Variants in OSBPL10 observed in about 807,000 individuals in gnomAD.
OSBPL10 encodes oxysterol binding protein like 10.
A neutral mutation model predicts 81.7 loss-of-function variants in OSBPL10; 49 were observed. The ratio of observed to expected loss-of-function variants is 0.60; its 90% CI spans 0.48 to 0.76. The LOEUF is 0.76. OSBPL10 is among the 30% of genes least tolerant of loss of function. The probability of loss-of-function intolerance (pLI) is 0.00; values close to 1 mark genes in which losing one functional copy is unlikely to be tolerated. For missense variants in OSBPL10, 923 were observed against 987.8 expected (o/e 0.93, Z 0.88); for synonymous variants, 419 against 383.6 (o/e 1.09, Z -1.08).
chr3:32,077,311 T>C (rs568259380), intron 1 of OSBPL10: 1 of 152,300 alleles, frequency 6.6e-6, no homozygotes, highest in East Asian at 1.9e-4. Context: ...CCTGTGCTAA[T>C]GTTACAGGTA....
At chr3:31,712,761 A>C (rs990907676) in intron 6 of OSBPL10, among the ~76,000 whole-genome samples, 1 of 152,266 alleles carries the variant, frequency 6.6e-6, no homozygotes, top group Non-Finnish European at 1.5e-5. Flanking sequence ...TTGTTACAGC[A>C]GTGAAAACAC....
chr3:31,681,408 G>A (rs1353524553), intron 8 of OSBPL10, among the ~76,000 whole-genome samples: 1 of 152,166 alleles, frequency 6.6e-6, no homozygotes, highest in African/African-American at 2.4e-5. Flanking sequence ...ACCATTGCAT[G>A]CAAACCCTAA....
intron 3 of OSBPL10, among the ~76,000 whole-genome samples, chr3:31,845,460 A>G (rs1216252981): frequency 6.6e-6 from 1 of 152,234 alleles, no homozygotes; most frequent in South Asian, 2.1e-4. Flanking sequence ...TTGTAGAGAG[A>G]TGAGACCAGG....
At chr3:32,025,947 G>A (rs1460477945) in intron 2 of OSBPL10, among the ~76,000 whole-genome samples, 2 of 151,752 alleles carry the variant, frequency 1.3e-5, no homozygotes, top group Non-Finnish European at 2.9e-5. Context: ...ACCTGCTCTG[G>A]TCTTTGCTAT....
intron 7 of OSBPL10, among the ~76,000 whole-genome samples, chr3:31,699,677 A>G (rs1695835127): frequency 6.6e-6 from 1 of 152,198 alleles, no homozygotes; most frequent in Non-Finnish European, 1.5e-5. Flanking sequence ...GTGCTGAGCA[A>G]CCTCACAGGT....
intron 1 of OSBPL10, among the ~76,000 whole-genome samples, chr3:31,925,565 T>G (rs571457694): frequency 6.6e-6 from 1 of 151,904 alleles, no homozygotes; most frequent in African/African-American, 2.4e-5. Flanking sequence ...GTAATCCCAG[T>G]ACTTTGGGAG....
intron 4 of OSBPL10, among the ~76,000 whole-genome samples, chr3:31,771,212 T>G (rs1414473508): frequency 6.6e-6 from 1 of 152,156 alleles, no homozygotes; most frequent in African/African-American, 2.4e-5. Flanking sequence ...ACACTCAGAG[T>G]GCTTAAAACA....
intron 4 of OSBPL10, 121 bp from the exon 5 acceptor site, chr3:31,748,241 T>A: frequency 1.2e-6 from 1 of 828,224 alleles, no homozygotes. Context: ...GCGTGTTCGG[T>A]GCACATTCGT....
At chr3:31,960,279 C>A (rs1698123366) in intron 1 of OSBPL10, 1 of 152,136 alleles carries the variant, frequency 6.6e-6, no homozygotes, top group South Asian at 2.1e-4. Context: ...CCAAAGGAAT[C>A]CTTCAAAATA....
At chr3:31,699,287 C>T (rs1035026093) in intron 7 of OSBPL10, among the ~76,000 whole-genome samples, 3 of 152,202 alleles carry the variant, frequency 2.0e-5, no homozygotes, top group African/African-American at 7.2e-5. Flanking sequence ...TCACATGGCC[C>T]ATAGGCTCTG....
intron 2 of OSBPL10, among the ~76,000 whole-genome samples, chr3:32,018,458 T>G (rs1205286695): frequency 6.6e-6 from 1 of 152,140 alleles, no homozygotes; most frequent in Non-Finnish European, 1.5e-5. Context: ...TGCCAGATAT[T>G]AAAATAGATG....
In OSBPL10 at chr3:31,660,944, T is replaced by C. The variant is rs1575458694; in HGVS notation, c.*1128A>G. Reference sequence around the variant, plus strand: ...AGAGAAGCATTCATGCTATTTGGATTTGATAAATATTGGAGTGGCACAGTA... The same window carrying C: ...AGAGAAGCATTCATGCTATTTGGATCTGATAAATATTGGAGTGGCACAGTA... On this transcript the variant is annotated 3_prime_UTR_variant, in exon 12 of 12. Coordinates refer to ENST00000396556, the MANE Select transcript of OSBPL10 (RefSeq NM_017784.5). 6.5e-6 allele frequency: 1 copy of C among 152,674 alleles called. No homozygotes were observed. The highest frequency in any genetic ancestry group is 1.9e-4 in the East Asian group (1 of 5,202). 9.5% of individuals were successfully genotyped at this position (152,674 alleles called of 1,614,324 possible).
At chr3:31,795,052 G>A (rs1255790391) in intron 4 of OSBPL10, 1 of 196,574 alleles carries the variant, frequency 5.1e-6, no homozygotes, top group African/African-American at 2.4e-5. Flanking sequence ...TCACAATGTA[G>A]AGAAGACAAA....
intron 1 of OSBPL10, among the ~76,000 whole-genome samples, chr3:31,955,199 G>A (rs1039431824): frequency 5.3e-5 from 8 of 152,224 alleles, no homozygotes; most frequent in African/African-American, 1.7e-4. Flanking sequence ...GAAGATAACA[G>A]TAATACAGTA....
intron 1 of OSBPL10, among the ~76,000 whole-genome samples, chr3:31,928,494 C>T (rs752839186): frequency 6.6e-5 from 10 of 150,546 alleles, no homozygotes; most frequent in Non-Finnish European, 1.5e-4. Context: ...CAAGAATGGC[C>T]GGGCGCAGAG....
chr3:31,818,744 T>G (rs1229361671), intron 4 of OSBPL10, among the ~76,000 whole-genome samples: 1 of 152,038 alleles, frequency 6.6e-6, no homozygotes, highest in Non-Finnish European at 1.5e-5. Context: ...CTGAGTGGAA[T>G]TCCCACTGGA....
intron 2 of OSBPL10, among the ~76,000 whole-genome samples, chr3:32,038,090 G>A (rs1478264326): frequency 6.6e-6 from 1 of 152,178 alleles, no homozygotes; most frequent in Admixed American, 6.5e-5. Context: ...CCTTTGCAAA[G>A]TATGGCTTTC....
chr3:31,965,119 G>A (rs984982010), intron 1 of OSBPL10, among the ~76,000 whole-genome samples: 3 of 151,772 alleles, frequency 2.0e-5, no homozygotes, highest in African/African-American at 7.3e-5. Flanking sequence ...GGCGGCCGGG[G>A]CGCACTTTGG....
intron 8 of OSBPL10, among the ~76,000 whole-genome samples, chr3:31,678,781 A>AGTGTGT (rs1559411581): frequency 3.0e-5 from 3 of 99,258 alleles, no homozygotes; most frequent in African/African-American, 1.3e-4. Flanking sequence ...ACAGATTCAA[A>AGTGTGT]CTGTGTGTGT....
Sources: gnomAD v4.1 joint callset for allele counts (sites outside exome capture counted in the v4.1 genomes callset) on GRCh38, gnomAD v4.1.1 for gene constraint, MANE v1.5 for transcripts, NCBI Gene and HGNC (gene_info 2026-07-23, HGNC 2026-07-21) for gene names.